Variants in NAALADL2 observed in about 807,000 individuals in gnomAD.
NAALADL2 encodes the protein inactive N-acetylated-alpha-linked acidic dipeptidase-like protein 2.
NAALADL2 carries 76 observed loss-of-function variants against 87.2 expected under a neutral mutation model. The observed-to-expected ratio is 0.87, with a 90% CI of 0.72 to 1.05. NAALADL2 has a LOEUF of 1.05. NAALADL2 is among the 50% of genes least tolerant of loss of function. NAALADL2 has a pLI of 0.00. For missense variants in NAALADL2, 1,089 were observed against 945.8 expected (o/e 1.15, Z -1.99); for synonymous variants, 354 against 331.0 (o/e 1.07, Z -0.75).
intron 2 of NAALADL2, among the ~76,000 whole-genome samples, chr3:174,694,128 A>G (rs1728822473): frequency 6.6e-6 from 1 of 152,088 alleles, no homozygotes; most frequent in South Asian, 2.1e-4. Context: ...TTTATCTTGC[A>G]CAAATGCCAA....
chr3:175,512,189 G>A (rs998874098), intron 9 of NAALADL2, among the ~76,000 whole-genome samples: 3 of 152,114 alleles, frequency 2.0e-5, no homozygotes, highest in African/African-American at 7.2e-5. Flanking sequence ...GGTTTCCTGT[G>A]ATCCCACTAC....
chr3:175,552,029 A>G (rs1365061267), intron 9 of NAALADL2, among the ~76,000 whole-genome samples: 1 of 151,870 alleles, frequency 6.6e-6, no homozygotes, highest in South Asian at 2.1e-4. Context: ...TTATTGATTT[A>G]TATTATCTAA....
At chr3:175,487,266 C>T (rs1368838045) in intron 9 of NAALADL2, among the ~76,000 whole-genome samples, 1 of 152,144 alleles carries the variant, frequency 6.6e-6, no homozygotes, top group Admixed American at 6.6e-5. Flanking sequence ...ATCCCTTACC[C>T]TGTACTATCA....
chr3:175,359,866 G>A (rs1384392699), intron 5 of NAALADL2, among the ~76,000 whole-genome samples: 1 of 152,072 alleles, frequency 6.6e-6, no homozygotes, highest in Non-Finnish European at 1.5e-5. Context: ...AGAAAGGAGG[G>A]AGGAAGAGCA....
rs755307515 is a variant in NAALADL2, at chr3:175,809,660, C to T, written c.*6457C>T. ...AAGCTGCAGTGAGCTAAAATCATGC[C>T]ACTGTAGTCCAGCCTGTGTAACAGA... On this transcript the variant is annotated 3_prime_UTR_variant, in exon 14 of 14. Coordinates refer to ENST00000454872, the MANE Select transcript of NAALADL2 (RefSeq NM_207015.3). The T allele has an allele frequency of 1.3e-5, 2 of 151,714 alleles. No homozygotes were observed. Among genetic ancestry groups the T allele is most frequent in the Admixed American group, 6.6e-5 (1 of 15,176 alleles). The allele number at this position is 151,714 out of a possible 1,614,324, so 9.4% of individuals were successfully genotyped here. A position where few individuals can be genotyped will look rare whatever the true frequency, so the allele number is the denominator to read the frequency against.
chr3:175,583,788 T>C (rs545004783), intron 10 of NAALADL2, among the ~76,000 whole-genome samples: 1 of 152,226 alleles, frequency 6.6e-6, no homozygotes, highest in Non-Finnish European at 1.5e-5. Context: ...GGTTTCTTTT[T>C]AAAAAACTGA....
chr3:175,706,562 A>G (rs780827338), intron 11 of NAALADL2, among the ~76,000 whole-genome samples: 4 of 152,172 alleles, frequency 2.6e-5, no homozygotes, highest in Non-Finnish European at 5.9e-5. Flanking sequence ...ATTGTAGAAG[A>G]TAAAACTGCA....
chr3:175,429,810 C>A (rs753716639), intron 5 of NAALADL2, among the ~76,000 whole-genome samples: 1 of 151,868 alleles, frequency 6.6e-6, no homozygotes, highest in African/African-American at 2.4e-5. Flanking sequence ...ATAAAGAGGT[C>A]TTTAAGCCTT....
At chr3:174,603,348 G>T (rs1334299954) in intron 2 of NAALADL2, among the ~76,000 whole-genome samples, 5 of 151,882 alleles carry the variant, frequency 3.3e-5, no homozygotes, top group Non-Finnish European at 7.4e-5. Flanking sequence ...TAGGTTGTAT[G>T]TGTCTAAATT....
chr3:175,452,808 A>G (rs1052619217), intron 6 of NAALADL2, among the ~76,000 whole-genome samples: 1 of 152,148 alleles, frequency 6.6e-6, no homozygotes, highest in Non-Finnish European at 1.5e-5. Context: ...TTCACTTTGA[A>G]GGACTGTTCA....
intron 2 of NAALADL2, chr3:175,218,163 G>C (rs1441716398): frequency 2.3e-6 from 1 of 427,170 alleles, no homozygotes; most frequent in Non-Finnish European, 4.7e-6. Context: ...TCTCTAAGAA[G>C]CACAATAATC....
intron 1 of NAALADL2, among the ~76,000 whole-genome samples, chr3:174,884,450 C>T (rs1267310124): frequency 6.6e-6 from 1 of 152,162 alleles, no homozygotes. Context: ...CCAGTGAATT[C>T]CATGAGCATG....
chr3:175,796,850 GA>G (rs549468022), intron 13 of NAALADL2, among the ~76,000 whole-genome samples: 1 of 151,818 alleles, frequency 6.6e-6, no homozygotes. Context: ...AGGAACATTT[GA>G]AAAAGAGTCA....
intron 1 of NAALADL2, among the ~76,000 whole-genome samples, chr3:175,051,743 T>A (rs1037105824): frequency 3.9e-5 from 6 of 152,218 alleles, no homozygotes; most frequent in Admixed American, 3.9e-4. Context: ...TGGGAGTCAC[T>A]GTAGGGTCTG....
At chr3:174,831,849 G>A (rs1376417701) in intron 3 of NAALADL2, among the ~76,000 whole-genome samples, 32 of 146,674 alleles carry the variant, frequency 2.2e-4, no homozygotes, top group South Asian at 8.7e-4. Context: ...GAGTGTATGT[G>A]TCGAGGAATT....
At chr3:174,958,070 C>A (rs866933656) in intron 1 of NAALADL2, among the ~76,000 whole-genome samples, 2 of 151,938 alleles carry the variant, frequency 1.3e-5, no homozygotes, top group Middle Eastern at 3.4e-3. Context: ...ATAACATAGT[C>A]CATCCTCCCC....
chr3:175,590,872 T>C (rs190296625), intron 10 of NAALADL2, among the ~76,000 whole-genome samples: 8 of 152,278 alleles, frequency 5.3e-5, no homozygotes, highest in Admixed American at 3.3e-4. Flanking sequence ...AAATTATAGG[T>C]ATTTGCTTTC....
At chr3:175,276,152 T>A (rs981316499) in intron 4 of NAALADL2, among the ~76,000 whole-genome samples, 10 of 143,758 alleles carry the variant, frequency 7.0e-5, no homozygotes, top group Non-Finnish European at 1.5e-4. Context: ...AAAAAAAAAA[T>A]TATGATAAAG....
chr3:175,204,000 A>T (rs2109184135), intron 2 of NAALADL2, among the ~76,000 whole-genome samples: 1 of 152,308 alleles, frequency 6.6e-6, no homozygotes. Flanking sequence ...ATTGACAGCA[A>T]AATTCTACCA....
Sources: gnomAD v4.1 joint callset for allele counts (sites outside exome capture counted in the v4.1 genomes callset) on GRCh38, gnomAD v4.1.1 for gene constraint, MANE v1.5 for transcripts, NCBI Gene and HGNC (gene_info 2026-07-23, HGNC 2026-07-21) for gene names.